Variants in ATP10B observed in about 807,000 individuals in gnomAD.
ATP10B encodes the protein phospholipid-transporting ATPase VB.
ATP10B carries 122 observed loss-of-function variants against 141.2 expected under a neutral mutation model. The observed-to-expected ratio is 0.86, with a 90% confidence interval of 0.75 to 1.00. The LOEUF (loss-of-function observed/expected upper bound fraction) is 1.00. ATP10B is among the 50% of genes least tolerant of loss of function. The pLI is 0.00. For missense variants in ATP10B, 1,876 were observed against 1,825.3 expected (o/e 1.03, Z -0.51); for synonymous variants, 685 against 692.0 (o/e 0.99, Z 0.16).
At chr5:160,822,989 C>CATATAAATAT (rs1774248741) in intron 1 of ATP10B, among the ~76,000 whole-genome samples, 1 of 69,706 alleles carries the variant, frequency 1.4e-5, no homozygotes, top group Non-Finnish European at 2.8e-5. Context: ...ATTACATATA[C>CATATAAATAT]ATATATATAT....
intron 2 of ATP10B, among the ~76,000 whole-genome samples, chr5:160,741,313 A>G (rs937003643): frequency 6.6e-6 from 1 of 152,262 alleles, no homozygotes. Flanking sequence ...TCATTTTGTT[A>G]ATGCCATTAG....
intron 24 of ATP10B, among the ~76,000 whole-genome samples, chr5:160,574,141 T>C (rs886102300): frequency 2.6e-5 from 4 of 152,186 alleles, no homozygotes; most frequent in African/African-American, 9.6e-5. Context: ...TAGAATTTTC[T>C]ACATCTGGCT....
At chr5:160,723,784 A>C (rs754549277) in intron 2 of ATP10B, among the ~76,000 whole-genome samples, 2 of 152,138 alleles carry the variant, frequency 1.3e-5, no homozygotes, top group Non-Finnish European at 2.9e-5. Context: ...CTCCTACCTG[A>C]TTGCACTTTT....
At chr5:160,681,526 C>T (rs1200247448) in intron 6 of ATP10B, among the ~76,000 whole-genome samples, 4 of 152,162 alleles carry the variant, frequency 2.6e-5, no homozygotes, top group African/African-American at 9.7e-5. Context: ...GGCATGCCTG[C>T]AATCCCACCT....
At chr5:160,583,780 C>T (rs1037225427) in intron 24 of ATP10B, among the ~76,000 whole-genome samples, 2 of 152,190 alleles carry the variant, frequency 1.3e-5, no homozygotes, top group Non-Finnish European at 2.9e-5. Context: ...TGAAGTGCTG[C>T]AGTGGGCTCT....
At chr5:160,786,877 G>T (rs909474436) in intron 1 of ATP10B, among the ~76,000 whole-genome samples, 13 of 152,012 alleles carry the variant, frequency 8.6e-5, no homozygotes, top group African/African-American at 2.9e-4. Flanking sequence ...CTCTCCAGGG[G>T]ACAGCTGAAC....
At chr5:160,731,177 T>A (rs1159606320) in intron 2 of ATP10B, among the ~76,000 whole-genome samples, 1 of 152,236 alleles carries the variant, frequency 6.6e-6, no homozygotes, top group Non-Finnish European at 1.5e-5. Flanking sequence ...TTAAAAGTCT[T>A]AAACCCAGGA....
intron 3 of ATP10B, among the ~76,000 whole-genome samples, chr5:160,696,161 C>A (rs1048025341): frequency 4.5e-4 from 69 of 152,106 alleles, no homozygotes; most frequent in African/African-American, 1.6e-3. Context: ...GGCTGGAGTG[C>A]AATGGCATGA....
intron 6 of ATP10B, among the ~76,000 whole-genome samples, chr5:160,683,040 C>CA (rs35571529): frequency 9.0e-5 from 6 of 66,958 alleles, no homozygotes; most frequent in South Asian, 5.6e-4. Flanking sequence ...CTCTGTCCCC[C>CA]AAAAAAAAAA....
chr5:160,602,546 C>T (rs1030057341), intron 21 of ATP10B, 31 bp downstream of exon 21: 10 of 1,612,702 alleles, frequency 6.2e-6, no homozygotes, highest in Non-Finnish European at 8.5e-6. Flanking sequence ...CTGCCAAAGC[C>T]CTGGGTGAGA....
intron 24 of ATP10B, among the ~76,000 whole-genome samples, chr5:160,577,564 G>C (rs1755274772): frequency 6.6e-6 from 1 of 152,148 alleles, no homozygotes; most frequent in African/African-American, 2.4e-5. Context: ...CGTCCTAGGG[G>C]ATTTCTAATC....
intron 22 of ATP10B, among the ~76,000 whole-genome samples, chr5:160,597,962 C>A (rs1756829734): frequency 6.8e-6 from 1 of 147,546 alleles, no homozygotes; most frequent in South Asian, 2.3e-4. Flanking sequence ...TAAACTAGTT[C>A]AACCATTGTG....
rs544674313 is a variant in ATP10B, at chr5:160,654,796, CTAAG to C, written c.676-5544_676-5541del. On this transcript the variant is annotated intron_variant, in intron 7 of 25. Transcript: ENST00000327245. ...ATGCTTGTTGTGTACTAAGAATCAA[CTAAG>C]TATTTTATACATGCCATCTTCTTTG... Among the ~76,000 whole-genome samples, 581 of 152,286 alleles carry C rather than the reference CTAAG, an allele frequency of 3.8e-3. 6 individuals carry two copies. Among genetic ancestry groups the C allele is most frequent in the African/African-American group, 0.013 (522 of 41,558 alleles).
chr5:160,574,801 C>CTT (rs35450287), intron 24 of ATP10B, among the ~76,000 whole-genome samples: 5,556 of 140,844 alleles, frequency 0.039, 288 homozygotes, highest in African/African-American at 0.1. Flanking sequence ...CAGCATTCAT[C>CTT]TTTTTTTTTT....
the ATP10B span, among the ~76,000 whole-genome samples, chr5:160,927,148 C>T: frequency 6.6e-6 from 1 of 152,138 alleles, no homozygotes. Context: ...ACCTTGGATC[C>T]CCTGATTCCA....
At chr5:160,878,036 A>C in the ATP10B span, among the ~76,000 whole-genome samples, 5 of 152,030 alleles carry the variant, frequency 3.3e-5, no homozygotes, top group Non-Finnish European at 7.4e-5. Context: ...AAACTACTTT[A>C]AAGTTCATAT....
chr5:160,631,718 G>A (rs1292163014), intron 13 of ATP10B, among the ~76,000 whole-genome samples: 2 of 152,068 alleles, frequency 1.3e-5, no homozygotes, highest in African/African-American at 4.8e-5. Context: ...TAATGAGTAT[G>A]CAGTTGCCTC....
At chr5:160,648,825 C>T (rs1760480802) in intron 8 of ATP10B, among the ~76,000 whole-genome samples, 1 of 152,006 alleles carries the variant, frequency 6.6e-6, no homozygotes, top group Admixed American at 6.6e-5. Context: ...CCTGTTCTTA[C>T]CTACAATGCA....
intron 1 of ATP10B, among the ~76,000 whole-genome samples, chr5:160,844,350 T>C (rs180880398): frequency 5.9e-5 from 9 of 152,286 alleles, no homozygotes; most frequent in Admixed American, 5.2e-4. Flanking sequence ...ACTCACATGA[T>C]AGAAAACCAC....
Sources: gnomAD v4.1 joint callset for allele counts (sites outside exome capture counted in the v4.1 genomes callset) on GRCh38, gnomAD v4.1.1 for gene constraint, MANE v1.5 for transcripts, NCBI Gene and HGNC (gene_info 2026-07-23, HGNC 2026-07-21) for gene names.